Variants in FHIP1A observed in about 807,000 individuals in gnomAD.
The protein encoded by FHIP1A is FHF complex subunit HOOK interacting protein 1A.
In FHIP1A, 61 loss-of-function variants were observed where a neutral mutation model predicts 88.6. The observed-to-expected ratio is 0.69, with a 90% confidence interval of 0.56 to 0.85. The LOEUF is 0.85. Ranked by LOEUF, FHIP1A falls within the 40% of genes least tolerant of loss-of-function variation. The pLI is 0.00. For missense variants in FHIP1A, 1,154 were observed against 1,273.5 expected (o/e 0.91, Z 1.43); for synonymous variants, 478 against 496.0 (o/e 0.96, Z 0.48).
chr4:151,630,182 A>T (rs1029154600), intron 8 of FHIP1A, among the ~76,000 whole-genome samples: 8 of 152,180 alleles, frequency 5.3e-5, no homozygotes, highest in African/African-American at 1.9e-4. Flanking sequence ...TGGGGGCAAG[A>T]TGCAAGGGAA....
At chr4:151,472,498 A>T (rs1187598040) in intron 2 of FHIP1A, among the ~76,000 whole-genome samples, 2 of 152,142 alleles carry the variant, frequency 1.3e-5, no homozygotes, top group Admixed American at 1.3e-4. Context: ...GGGGATAAAA[A>T]CATGTAAACA....
At chr4:151,559,027 A>G (rs558881493) in intron 3 of FHIP1A, among the ~76,000 whole-genome samples, 3 of 152,330 alleles carry the variant, frequency 2.0e-5, no homozygotes, top group African/African-American at 7.2e-5. Context: ...ATTGGAAGTT[A>G]ACAACTCTTC....
intron 1 of FHIP1A, among the ~76,000 whole-genome samples, chr4:151,421,988 G>A (rs1162072261): frequency 2.0e-5 from 3 of 151,894 alleles, no homozygotes; most frequent in Non-Finnish European, 2.9e-5. Context: ...TTCTACTAGG[G>A]GATGCAACCA....
intron 3 of FHIP1A, among the ~76,000 whole-genome samples, chr4:151,493,624 C>T (rs1730361137): frequency 6.6e-6 from 1 of 152,108 alleles, no homozygotes; most frequent in South Asian, 2.1e-4. Flanking sequence ...GATAACGTAC[C>T]ATGATCAAGT....
intron 6 of FHIP1A, 34 bp from the exon 7 acceptor site, chr4:151,588,806 T>C (rs1316940833): frequency 7.7e-7 from 1 of 1,304,652 alleles, no homozygotes; most frequent in Non-Finnish European, 1.1e-6. Context: ...ATTGAACTCT[T>C]TGCCTTTTTC....
chr4:151,489,751 C>T (rs1730215767), intron 3 of FHIP1A, among the ~76,000 whole-genome samples: 1 of 152,126 alleles, frequency 6.6e-6, no homozygotes, highest in Non-Finnish European at 1.5e-5. Context: ...CATAATCCAC[C>T]TGGGAACATA....
chr4:151,526,455 T>C (rs1731646032), intron 3 of FHIP1A, among the ~76,000 whole-genome samples: 2 of 136,304 alleles, frequency 1.5e-5, no homozygotes, highest in African/African-American at 2.9e-5. Context: ...CCCACCTCCC[T>C]CCCGGATGAG....
intron 1 of FHIP1A, among the ~76,000 whole-genome samples, chr4:151,444,485 C>A (rs985748496): frequency 6.6e-6 from 1 of 151,816 alleles, no homozygotes; most frequent in Non-Finnish European, 1.5e-5. Context: ...CCTTAGAAAC[C>A]CGTTTGTCCT....
At chr4:151,430,034 G>C (rs1733536461) in intron 1 of FHIP1A, among the ~76,000 whole-genome samples, 1 of 152,114 alleles carries the variant, frequency 6.6e-6, no homozygotes, top group Non-Finnish European at 1.5e-5. Flanking sequence ...TTAGAGCATT[G>C]GTGGGCATTT....
intron 3 of FHIP1A, among the ~76,000 whole-genome samples, chr4:151,542,668 G>A (rs151330783): frequency 2.0e-3 from 310 of 152,186 alleles, no homozygotes; most frequent in African/African-American, 7.1e-3. Flanking sequence ...TGACTCCCTT[G>A]CCTGGCTGTC....
At chr4:151,584,252 GACAAATCATCCATACCTCCA>G (rs1220711077) in intron 5 of FHIP1A, among the ~76,000 whole-genome samples, 1 of 151,998 alleles carries the variant, frequency 6.6e-6, no homozygotes, top group Non-Finnish European at 1.5e-5. Flanking sequence ...TACCTGACTG[GACAAATCATCCATACCTCCA>G]GTGTGGACTT....
chr4:151,475,526 G>A (rs561611000), intron 2 of FHIP1A, among the ~76,000 whole-genome samples: 3 of 152,150 alleles, frequency 2.0e-5, no homozygotes, highest in Admixed American at 1.3e-4. Flanking sequence ...TGGAGGCTCC[G>A]GGGAACAGCA....
chr4:151,512,141 C>G (rs1307188392), intron 3 of FHIP1A, among the ~76,000 whole-genome samples: 1 of 152,030 alleles, frequency 6.6e-6, no homozygotes, highest in East Asian at 1.9e-4. Context: ...AAAATCCGCT[C>G]TTCTGCAGCC....
At chr4:151,609,786 A>T (rs1045357771) in intron 7 of FHIP1A, among the ~76,000 whole-genome samples, 1 of 152,216 alleles carries the variant, frequency 6.6e-6, no homozygotes, top group Admixed American at 6.5e-5. Flanking sequence ...CAAGTAGTGA[A>T]CTAATTGGCC....
chr4:151,557,454 A>T (rs1264115774), intron 3 of FHIP1A, among the ~76,000 whole-genome samples: 1 of 152,224 alleles, frequency 6.6e-6, no homozygotes, highest in Non-Finnish European at 1.5e-5. Context: ...AAAGACATTG[A>T]TACACACATG....
At position 151,650,269 on chromosome 4, in the gene FHIP1A, C is replaced by G. The variant is rs1222383603; in HGVS notation, c.2228C>G (p.Ala743Gly). 6.4e-7 allele frequency: 1 copy of G among 1,551,618 alleles called. No homozygotes were observed. Among genetic ancestry groups the G allele is most frequent in the African/African-American group, 1.4e-5 (1 of 73,054 alleles). ...GCAGAGCACAGCTCTAACCTGACAG[C>G]CGCCCACCCGGAGAGCGAGGAGCTC... ...PEAEHSSNLT[A>G]AHPESEELIA... The change falls in exon 11 of 14, where the codon GCC (alanine) becomes GGC (glycine). Residue 743 changes from alanine (A) to glycine (G), a missense_variant. Ala to Gly is a moderately conservative substitution (Grantham distance 60). Coordinates refer to ENST00000435205, the MANE Select transcript of FHIP1A (RefSeq NM_001109977.3).
chr4:151,466,100 A>G (rs1729304502), intron 2 of FHIP1A, among the ~76,000 whole-genome samples: 1 of 152,176 alleles, frequency 6.6e-6, no homozygotes, highest in African/African-American at 2.4e-5. Context: ...TCAGCCCAAA[A>G]ACTCCTTAAG....
In FHIP1A at chr4:151,433,226, G is replaced by C. The variant is rs1733662119; in HGVS notation, c.-355-21475G>C. On this transcript the variant is annotated intron_variant, in intron 1 of 13. Transcript: ENST00000435205. ...AGTATATAAGATAAGTTGGAATGGG[G>C]AGAGAGGTGGCTGAGAGAGTATTGA... is the stretch of plus-strand genomic sequence containing the variant. 2.0e-5 allele frequency among the ~76,000 whole-genome samples: 3 copies of C among 151,828 alleles called. No homozygotes were observed. The South Asian group carries it at 6.3e-4, about 32-fold the overall frequency.
chr4:151,549,788 C>T lies in FHIP1A; in HGVS notation c.-122-16350C>T, dbSNP rs999563931. On this transcript the variant is annotated intron_variant, in intron 3 of 13. Transcript: ENST00000435205. Reference sequence around the variant, plus strand: ...AAGAGCCCTCTCTTGGGATCTGGATCGGGACCCCTTTCTGGTAAGTTTCCT... The same window carrying T: ...AAGAGCCCTCTCTTGGGATCTGGATTGGGACCCCTTTCTGGTAAGTTTCCT... Among the ~76,000 whole-genome samples the T allele has an allele frequency of 8.6e-5, 13 of 152,042 alleles. No homozygotes were observed. The South Asian group carries it at 1.0e-3, about 12-fold the overall frequency.
Sources: allele counts gnomAD v4.1 joint callset (sites outside exome capture counted in the v4.1 genomes callset), GRCh38; gene constraint gnomAD v4.1.1; transcripts MANE v1.5; gene names NCBI Gene and HGNC (gene_info 2026-07-23, HGNC 2026-07-21).